The following TSHZ2 variants were observed in gnomAD, a reference collection of about 807,000 sequenced individuals.
TSHZ2 encodes the protein teashirt homolog 2.
In TSHZ2, 21 loss-of-function variants were observed where a neutral mutation model predicts 74.4. The ratio of observed to expected loss-of-function variants is 0.28; its 90% CI spans 0.20 to 0.41. TSHZ2 has a LOEUF of 0.41. Among genes scored for constraint, TSHZ2 ranks in the 10% least tolerant of loss-of-function variants. TSHZ2 has a pLI of 1.00. For synonymous variants in TSHZ2, 540 were observed against 515.3 expected (o/e 1.05, Z -0.65); for missense variants, 1,244 against 1,293.5 (o/e 0.96, Z 0.59).
intron 1 of TSHZ2, among the ~76,000 whole-genome samples, chr20:53,193,518 T>C (rs879780201): frequency 2.0e-4 from 30 of 152,174 alleles, no homozygotes; most frequent in Non-Finnish European, 4.0e-4. Flanking sequence ...CCTGTGACAC[T>C]ATAATGTAAT....
intron 1 of TSHZ2, among the ~76,000 whole-genome samples, chr20:53,143,190 C>T (rs913054112): frequency 2.0e-5 from 3 of 152,204 alleles, no homozygotes; most frequent in Non-Finnish European, 4.4e-5. Flanking sequence ...GAAACATTTA[C>T]TCACAGACCC....
chr20:53,261,900 G>A (rs1179377235), intron 2 of TSHZ2, among the ~76,000 whole-genome samples: 6 of 152,130 alleles, frequency 3.9e-5, no homozygotes, highest in Admixed American at 2.0e-4. Flanking sequence ...ACGTCTTTGC[G>A]AAAGTGAGGA....
intron 2 of TSHZ2, among the ~76,000 whole-genome samples, chr20:53,462,096 G>GA (rs961817490): frequency 3.1e-4 from 47 of 151,644 alleles, no homozygotes; most frequent in African/African-American, 9.4e-4. Context: ...AAGAAAAAAA[G>GA]AAAAAAAACT....
intron 1 of TSHZ2, among the ~76,000 whole-genome samples, chr20:53,052,293 C>T (rs571443316): frequency 9.2e-5 from 14 of 152,274 alleles, no homozygotes; most frequent in African/African-American, 2.6e-4. Flanking sequence ...CCCTGAGCTG[C>T]GGGTCGCTAC....
intron 2 of TSHZ2, among the ~76,000 whole-genome samples, chr20:53,266,678 C>T (rs1355238589): frequency 6.6e-6 from 1 of 152,082 alleles, no homozygotes; most frequent in Non-Finnish European, 1.5e-5. Flanking sequence ...TTTTCTCAAG[C>T]CCTATACAAG....
intron 2 of TSHZ2, among the ~76,000 whole-genome samples, chr20:53,401,774 C>CTTTTT (rs59656180): frequency 0.012 from 1,105 of 94,880 alleles, 1 homozygote; most frequent in African/African-American, 0.02. Flanking sequence ...AACACATTTT[C>CTTTTT]TTTTTTTTTT....
intron 1 of TSHZ2, among the ~76,000 whole-genome samples, chr20:53,007,023 C>G (rs962307175): frequency 6.6e-6 from 1 of 152,182 alleles, no homozygotes; most frequent in Non-Finnish European, 1.5e-5. Flanking sequence ...CCTCATGACA[C>G]TTGTAAATTT....
At chr20:53,444,805 T>A (rs973435988) in intron 2 of TSHZ2, among the ~76,000 whole-genome samples, 1 of 152,200 alleles carries the variant, frequency 6.6e-6, no homozygotes, top group South Asian at 2.1e-4. Flanking sequence ...TCTTCATTCA[T>A]CCCAAGTGGC....
chr20:53,441,984 G>C (rs1984351538), intron 2 of TSHZ2, among the ~76,000 whole-genome samples: 1 of 152,192 alleles, frequency 6.6e-6, no homozygotes. Context: ...ATATTCTAAA[G>C]AAAAGGATCA....
chr20:53,022,435 C>T (rs946935133), intron 1 of TSHZ2, among the ~76,000 whole-genome samples: 5 of 152,066 alleles, frequency 3.3e-5, no homozygotes, highest in African/African-American at 9.7e-5. Flanking sequence ...TTTACTGGAC[C>T]GTCTATCAAT....
In TSHZ2 at chr20:53,458,735, T is replaced by C. The variant is rs369135661; in HGVS notation, c.*9-28409T>C. Among the ~76,000 whole-genome samples, 842 of 152,222 alleles carry C rather than the reference T, an allele frequency of 5.5e-3. 3 individuals carry two copies. Among genetic ancestry groups the C allele is most frequent in the South Asian group, 0.037 (175 of 4,794 alleles). ...ATTTCCCTCTACACACTGCTTTGAA[T>C]GCGTCCCAGAGATTCTGGTATGTTG... On this transcript the variant is annotated intron_variant, in intron 2 of 2. Coordinates refer to ENST00000371497, the MANE Select transcript of TSHZ2 (RefSeq NM_173485.6).
At chr20:53,349,664 AAAAG>A (rs1980572776) in intron 2 of TSHZ2, among the ~76,000 whole-genome samples, 1 of 151,844 alleles carries the variant, frequency 6.6e-6, no homozygotes, top group African/African-American at 2.4e-5. Context: ...AAAAAAAAAA[AAAAG>A]AAGTGTAGCT....
chr20:53,244,160 T>C lies in TSHZ2; in HGVS notation c.41-9339T>C, dbSNP rs1220361668. Among the ~76,000 whole-genome samples, 6 of 152,262 alleles carry C rather than the reference T, an allele frequency of 3.9e-5. No homozygotes were observed. In the South Asian group the frequency reaches 8.3e-4, roughly 21 times the overall value. ...AAATACAGATGGTGCAGCAGCTTCATATACTTTCTGAAGGTCATTTTGGAC... is the reference window on the plus strand; with the variant it reads ...AAATACAGATGGTGCAGCAGCTTCACATACTTTCTGAAGGTCATTTTGGAC... On this transcript the variant is annotated intron_variant, in intron 1 of 2. Coordinates refer to ENST00000371497, the MANE Select transcript of TSHZ2 (RefSeq NM_173485.6).
intron 2 of TSHZ2, among the ~76,000 whole-genome samples, chr20:53,387,775 G>A (rs1470046727): frequency 6.6e-6 from 1 of 152,172 alleles, no homozygotes; most frequent in Non-Finnish European, 1.5e-5. Flanking sequence ...AGGCGGGCAT[G>A]GTGGTTCACG....
At chr20:53,408,669 C>A (rs1180293027) in intron 2 of TSHZ2, among the ~76,000 whole-genome samples, 1 of 152,212 alleles carries the variant, frequency 6.6e-6, no homozygotes, top group Non-Finnish European at 1.5e-5. Context: ...CAGCATTTTA[C>A]AATTAAGAGC....
chr20:53,218,353 C>T (rs1989481352), intron 1 of TSHZ2, among the ~76,000 whole-genome samples: 1 of 152,234 alleles, frequency 6.6e-6, no homozygotes, highest in Non-Finnish European at 1.5e-5. Flanking sequence ...AACTTTACAA[C>T]AGTTGGCACA....
intron 2 of TSHZ2, chr20:53,399,056 T>C (rs146556919): frequency 4.6e-5 from 7 of 152,204 alleles, no homozygotes; most frequent in African/African-American, 1.7e-4. Context: ...AGAAATAAAA[T>C]AGGCAAACAC....
intron 2 of TSHZ2, among the ~76,000 whole-genome samples, chr20:53,466,734 A>T (rs995686379): frequency 1.3e-5 from 2 of 152,214 alleles, no homozygotes; most frequent in African/African-American, 4.8e-5. Flanking sequence ...CACTGAAGCC[A>T]CCAGGGACAT....
chr20:53,270,174 G>A (rs1224600939), intron 2 of TSHZ2, among the ~76,000 whole-genome samples: 2 of 151,892 alleles, frequency 1.3e-5, no homozygotes, highest in Non-Finnish European at 2.9e-5. Flanking sequence ...TCTAATAGAT[G>A]CACCTGCAGC....
Sources: allele counts gnomAD v4.1 joint callset (sites outside exome capture counted in the v4.1 genomes callset), GRCh38; gene constraint gnomAD v4.1.1; transcripts MANE v1.5; gene names NCBI Gene and HGNC (gene_info 2026-07-23, HGNC 2026-07-21).